The following SPATA9 variants were observed in gnomAD, a reference collection of about 807,000 sequenced individuals.
The protein encoded by SPATA9 is spermatogenesis-associated protein 9.
In SPATA9, 27 loss-of-function variants were observed where a neutral mutation model predicts 25.5. The ratio of observed to expected loss-of-function variants is 1.06; its 90% CI spans 0.78 to 1.46. The LOEUF (loss-of-function observed/expected upper bound fraction) is 1.46. Among genes scored for constraint, SPATA9 ranks in the 40% most tolerant of loss-of-function variants. SPATA9 has a pLI of 0.00. For missense variants in SPATA9, 282 were observed against 297.5 expected, an observed-to-expected ratio of 0.95 and a Z score of 0.38; for synonymous variants, 102 against 105.7, an observed-to-expected ratio of 0.97 and a Z score of 0.21.
the SPATA9 span, chr5:95,730,891 G>A: frequency 1.3e-5 from 6 of 456,106 alleles, no homozygotes; most frequent in South Asian, 9.3e-5. Flanking sequence ...GAAAGCGGCA[G>A]ACGTGGTAAA....
the SPATA9 span, among the ~76,000 whole-genome samples, chr5:95,726,460 G>A: frequency 6.6e-6 from 1 of 152,124 alleles, no homozygotes; most frequent in East Asian, 1.9e-4. Context: ...TTTTTAAGTT[G>A]CTAGCTAATT....
At chr5:95,680,447 A>C (rs758768302) in intron 2 of SPATA9, among the ~76,000 whole-genome samples, 3 of 152,198 alleles carry the variant, frequency 2.0e-5, no homozygotes, top group Non-Finnish European at 2.9e-5. Context: ...CATACTTGAC[A>C]TCTTTGAGGA....
chr5:95,726,193 T>G, the SPATA9 span, among the ~76,000 whole-genome samples: 3 of 152,234 alleles, frequency 2.0e-5, no homozygotes, highest in Admixed American at 1.3e-4. Context: ...GTGAATATTC[T>G]CAAGGTATTT....
At chr5:95,688,093 T>A (rs1329556886) in intron 1 of SPATA9, among the ~76,000 whole-genome samples, 1 of 152,186 alleles carries the variant, frequency 6.6e-6, no homozygotes. Flanking sequence ...AAGAAATTAT[T>A]ATATCAGAAA....
rs147951285 is a variant in SPATA9, at chr5:95,666,106, T to A, written c.379-2058A>T. 1.3e-3 allele frequency among the ~76,000 whole-genome samples: 199 copies of A among 152,256 alleles called. 5 individuals are homozygous for A. The East Asian group carries it at 0.023, about 18-fold the overall frequency. ...ACATTTAATTCTTAAAACAATCCTATGAAGTTGGTATTATTATTATCCTCA... is the reference window on the plus strand; with the variant it reads ...ACATTTAATTCTTAAAACAATCCTAAGAAGTTGGTATTATTATTATCCTCA... On this transcript the variant is annotated intron_variant, in intron 3 of 4. Coordinates refer to ENST00000274432, the MANE Select transcript of SPATA9 (RefSeq NM_031952.4).
the SPATA9 span, chr5:95,731,409 C>G: frequency 8.4e-7 from 1 of 1,186,780 alleles, no homozygotes; most frequent in East Asian, 3.9e-5. Context: ...CCACTTGGGG[C>G]TGTGCGGCGG....
exon 9 of SPATA9, chr5:95,653,004 C>G: frequency 6.9e-7 from 1 of 1,442,722 alleles, no homozygotes; most frequent in Non-Finnish European, 9.3e-7. Context: ...CACAGCACTG[C>G]ACAACCTGGC....
At chr5:95,717,492 CA>C in the SPATA9 span, 1 of 152,168 alleles carries the variant, frequency 6.6e-6, no homozygotes, top group South Asian at 2.1e-4. Context: ...ACACTACACA[CA>C]CACATATATA....
At chr5:95,701,958 T>G (rs1754188187), upstream of SPATA9, among the ~76,000 whole-genome samples, 1 of 152,224 alleles carries the variant, frequency 6.6e-6, no homozygotes, top group Non-Finnish European at 1.5e-5. Context: ...TTGATGATAT[T>G]CTTTTACTGA....
At chr5:95,687,243 AG>A, upstream of SPATA9, among the ~76,000 whole-genome samples, 1 of 152,350 alleles carries the variant, frequency 6.6e-6, no homozygotes, top group East Asian at 1.9e-4. Context: ...AGAGACTTGA[AG>A]TTTTGCAGAT....
chr5:95,671,098 C>T (rs1387632862), intron 3 of SPATA9, among the ~76,000 whole-genome samples: 1 of 152,186 alleles, frequency 6.6e-6, no homozygotes, highest in Non-Finnish European at 1.5e-5. Context: ...GTCATGTTCT[C>T]GCTCACCTCA....
the SPATA9 span, among the ~76,000 whole-genome samples, chr5:95,722,735 G>A: frequency 2.0e-5 from 3 of 152,078 alleles, no homozygotes; most frequent in African/African-American, 7.2e-5. Context: ...CTCCCACCTC[G>A]GCTTCCCAAA....
intron 4 of SPATA9, among the ~76,000 whole-genome samples, chr5:95,660,540 G>A (rs973063650): frequency 6.6e-6 from 1 of 152,112 alleles, no homozygotes; most frequent in African/African-American, 2.4e-5. Flanking sequence ...GCACTTTTAT[G>A]TATCCAGACC....
downstream of SPATA9, chr5:95,655,983 C>G (rs1307020944): frequency 9.3e-6 from 14 of 1,503,796 alleles, no homozygotes; most frequent in African/African-American, 2.8e-5. Flanking sequence ...GCAGCAGACT[C>G]TTCAGAGTCT....
chr5:95,659,265 G>A (rs1054029673), intron 4 of SPATA9: 3 of 183,624 alleles, frequency 1.6e-5, no homozygotes, highest in Non-Finnish European at 3.4e-5. Flanking sequence ...TTTTCTCAAA[G>A]TAGTTTTTTT....
intron 3 of SPATA9, 61 bp downstream of exon 3, chr5:95,675,351 G>C (rs1752822204): frequency 7.2e-7 from 1 of 1,388,482 alleles, no homozygotes; most frequent in African/African-American, 1.4e-5. Flanking sequence ...TATTTTTCAA[G>C]TTTTGCAAAT....
chr5:95,705,321 G>T, the SPATA9 span, among the ~76,000 whole-genome samples: 35 of 152,060 alleles, frequency 2.3e-4, no homozygotes, highest in African/African-American at 8.0e-4. Flanking sequence ...CCTTAATATG[G>T]TTGCATTGGG....
chr5:95,710,617 T>C, the SPATA9 span, among the ~76,000 whole-genome samples: 1 of 152,164 alleles, frequency 6.6e-6, no homozygotes, highest in Non-Finnish European at 1.5e-5. Flanking sequence ...CTGGCTTTCA[T>C]GGACAAACAG....
At chr5:95,666,465 A>G (rs1171934737) in intron 3 of SPATA9, among the ~76,000 whole-genome samples, 1 of 152,138 alleles carries the variant, frequency 6.6e-6, no homozygotes, top group African/African-American at 2.4e-5. Flanking sequence ...TATCTCATAG[A>G]TTTGCTGTAA....
Sources: allele counts gnomAD v4.1 joint callset (sites outside exome capture counted in the v4.1 genomes callset), GRCh38; gene constraint gnomAD v4.1.1; transcripts MANE v1.5; gene names NCBI Gene and HGNC (gene_info 2026-07-23, HGNC 2026-07-21).